LINGO2: variants seen among roughly 807,000 people sequenced by gnomAD.
LINGO2 encodes leucine-rich repeat and immunoglobulin-like domain-containing nogo receptor-interacting protein 2.
A neutral mutation model predicts 30.6 loss-of-function variants in LINGO2; 14 were observed. That is an observed-to-expected ratio of 0.46 (90% CI 0.30 to 0.72). The LOEUF is 0.72. Ranked by LOEUF, LINGO2 falls within the 30% of genes least tolerant of loss-of-function variation. LINGO2 has a pLI of 0.07. For synonymous variants in LINGO2, 317 were observed against 288.5 expected, an observed-to-expected ratio of 1.10 and a Z score of -1.00; for missense variants, 729 against 751.7, an observed-to-expected ratio of 0.97 and a Z score of 0.35.
chr9:28,273,450 T>C (rs1823012510), intron 4 of LINGO2, among the ~76,000 whole-genome samples: 1 of 152,142 alleles, frequency 6.6e-6, no homozygotes, highest in Non-Finnish European at 1.5e-5. Context: ...GGGAAAATGG[T>C]CCCTTAGTAT....
At chr9:28,958,580 C>T in the LINGO2 span, among the ~76,000 whole-genome samples, 1 of 152,104 alleles carries the variant, frequency 6.6e-6, no homozygotes, top group Admixed American at 6.6e-5. Flanking sequence ...ATCAGCCCTC[C>T]AGGAATCGGC....
chr9:28,536,403 C>A (rs571848195), intron 1 of LINGO2, among the ~76,000 whole-genome samples: 2 of 152,176 alleles, frequency 1.3e-5, no homozygotes, highest in East Asian at 3.9e-4. Context: ...AAGCATTTTT[C>A]AGTTAAGTTA....
At chr9:27,958,192 C>G (rs186491565) in intron 5 of LINGO2, among the ~76,000 whole-genome samples, 61 of 152,214 alleles carry the variant, frequency 4.0e-4, no homozygotes, top group Non-Finnish European at 6.9e-4. Context: ...TTTTCTGTAT[C>G]TATGGAGATG....
At chr9:28,613,004 T>C (rs1825984099) in intron 1 of LINGO2, among the ~76,000 whole-genome samples, 1 of 151,580 alleles carries the variant, frequency 6.6e-6, no homozygotes, top group Non-Finnish European at 1.5e-5. Context: ...TGAGTTCTCA[T>C]GAGATCTGTT....
At chr9:29,105,509 A>C in the LINGO2 span, among the ~76,000 whole-genome samples, 7 of 152,310 alleles carry the variant, frequency 4.6e-5, no homozygotes, top group East Asian at 1.2e-3. Context: ...CGAGCAGTTT[A>C]CTAAGACTCT....
At chr9:28,357,084 G>A (rs980475455) in intron 3 of LINGO2, among the ~76,000 whole-genome samples, 1 of 152,040 alleles carries the variant, frequency 6.6e-6, no homozygotes. Flanking sequence ...AATATTATTT[G>A]TTGTAATCTA....
chr9:27,955,451 C>T (rs970188977), intron 5 of LINGO2, among the ~76,000 whole-genome samples: 3 of 152,190 alleles, frequency 2.0e-5, no homozygotes, highest in African/African-American at 7.2e-5. Flanking sequence ...TCCTCTTTAC[C>T]TCTTTTCCGT....
At chr9:28,796,520 T>G in the LINGO2 span, among the ~76,000 whole-genome samples, 1 of 152,060 alleles carries the variant, frequency 6.6e-6, no homozygotes, top group African/African-American at 2.4e-5. Context: ...TGACGAAAAT[T>G]AGCTAAATGG....
At chr9:28,386,752 A>T (rs16912809) in intron 2 of LINGO2, among the ~76,000 whole-genome samples, 5,090 of 152,244 alleles carry the variant, frequency 0.033, 275 homozygotes, top group African/African-American at 0.12. Context: ...GTAGGTAGAG[A>T]TTTCTTAGAA....
At chr9:29,159,764 A>G in the LINGO2 span, among the ~76,000 whole-genome samples, 1 of 151,836 alleles carries the variant, frequency 6.6e-6, no homozygotes, top group African/African-American at 2.4e-5. Context: ...AAGCAGAGAC[A>G]AGAGAATCGC....
chr9:28,386,227 C>G (rs910610340), intron 2 of LINGO2, among the ~76,000 whole-genome samples: 1 of 152,170 alleles, frequency 6.6e-6, no homozygotes. Context: ...TCCTGTGAAT[C>G]TGGACATGTC....
In LINGO2 at chr9:28,147,247, G is replaced by C. The variant is rs1385282710; in HGVS notation, c.-86-134842C>G. Among the ~76,000 whole-genome samples the C allele has an allele frequency of 3.3e-5, 5 of 152,316 alleles. No individual in the cohort carries two copies. The highest frequency in any genetic ancestry group is 5.9e-5 in the Non-Finnish European group (4 of 68,020). Reference sequence around the variant, plus strand: ...GTATCCATGATCATGAGGCACACAGGCCAGAGCGCCAGCTGTGGAATCGCA... The same window carrying C: ...GTATCCATGATCATGAGGCACACAGCCCAGAGCGCCAGCTGTGGAATCGCA... On this transcript the variant is annotated intron_variant, in intron 4 of 5. Transcript: ENST00000379992. The surrounding 1 kb of genome is among the most constrained non-coding windows in gnomAD (Gnocchi z 4.7).
the LINGO2 span, among the ~76,000 whole-genome samples, chr9:28,982,472 C>A: frequency 2.0e-5 from 3 of 150,478 alleles, no homozygotes; most frequent in Non-Finnish European, 4.4e-5. Flanking sequence ...GTTCTAAGTC[C>A]TATGGAGATT....
intron 4 of LINGO2, among the ~76,000 whole-genome samples, chr9:28,128,048 C>T (rs149276534): frequency 6.6e-6 from 1 of 152,194 alleles, no homozygotes; most frequent in African/African-American, 2.4e-5. Context: ...CATGTGGAAT[C>T]TGTTAGTTAG....
intron 3 of LINGO2, among the ~76,000 whole-genome samples, chr9:28,298,575 C>T (rs1357842230): frequency 2.0e-5 from 3 of 149,796 alleles, no homozygotes; most frequent in Non-Finnish European, 4.4e-5. Context: ...CCCAGCTACT[C>T]GGGAGGCTGA....
At chr9:28,182,200 A>G (rs544496706) in intron 4 of LINGO2, among the ~76,000 whole-genome samples, 2 of 152,206 alleles carry the variant, frequency 1.3e-5, no homozygotes, top group African/African-American at 2.4e-5. Flanking sequence ...CCTGGCAAAA[A>G]CAAGCAATGG....
chr9:28,049,108 T>A (rs886754875), intron 4 of LINGO2, among the ~76,000 whole-genome samples: 2 of 151,048 alleles, frequency 1.3e-5, no homozygotes, highest in African/African-American at 2.4e-5. Flanking sequence ...CATCACTAAG[T>A]GTATGCAATG....
intron 4 of LINGO2, among the ~76,000 whole-genome samples, chr9:28,090,067 A>T (rs1181764579): frequency 6.6e-6 from 1 of 152,190 alleles, no homozygotes; most frequent in Non-Finnish European, 1.5e-5. Context: ...TGAGGCAATA[A>T]TTAATAGCTT....
intron 4 of LINGO2, among the ~76,000 whole-genome samples, chr9:28,271,596 T>C (rs1203664785): frequency 6.6e-6 from 1 of 152,178 alleles, no homozygotes; most frequent in Non-Finnish European, 1.5e-5. Context: ...CATTTTCAAA[T>C]CTGAATTGGA....
Sources: allele counts gnomAD v4.1 joint callset (sites outside exome capture counted in the v4.1 genomes callset), GRCh38; gene constraint gnomAD v4.1.1; non-coding constraint Gnocchi (gnomAD v3.1); transcripts MANE v1.5; gene names NCBI Gene and HGNC (gene_info 2026-07-23, HGNC 2026-07-21).